The following AGBL4 variants were observed in gnomAD, a reference collection of about 807,000 sequenced individuals.
AGBL4 encodes the protein AGBL carboxypeptidase 4, also known as cytosolic carboxypeptidase 6.
AGBL4 carries 58 observed loss-of-function variants against 66.4 expected under a neutral mutation model. The observed-to-expected ratio is 0.87, with a 90% CI of 0.71 to 1.09. AGBL4 has a LOEUF of 1.09. AGBL4 is among the 50% of genes least tolerant of loss of function. The probability of loss-of-function intolerance (pLI) is 0.00; values close to 1 mark genes in which losing one functional copy is unlikely to be tolerated. For missense variants in AGBL4, 579 were observed against 631.0 expected (o/e 0.92, Z 0.88); for synonymous variants, 234 against 222.9 (o/e 1.05, Z -0.44).
At chr1:49,738,350 G>A (rs1030548090) in intron 2 of AGBL4, among the ~76,000 whole-genome samples, 6 of 152,234 alleles carry the variant, frequency 3.9e-5, no homozygotes, top group African/African-American at 1.4e-4. Flanking sequence ...CAGCAGCAAG[G>A]CTGGGGGAGG....
At chr1:49,969,247 G>A (rs896563173) in intron 1 of AGBL4, among the ~76,000 whole-genome samples, 16 of 152,198 alleles carry the variant, frequency 1.1e-4, no homozygotes, top group Middle Eastern at 3.4e-3. Flanking sequence ...TATACAACTC[G>A]ATGAGTTGGA....
At chr1:48,589,303 T>C (rs142346362) in intron 10 of AGBL4, among the ~76,000 whole-genome samples, 1 of 152,304 alleles carries the variant, frequency 6.6e-6, no homozygotes, top group Non-Finnish European at 1.5e-5. Context: ...CTTTCCTGGT[T>C]TGACATTCAA....
At chr1:49,006,096 G>A (rs1356842069) in intron 5 of AGBL4, among the ~76,000 whole-genome samples, 2 of 152,148 alleles carry the variant, frequency 1.3e-5, no homozygotes, top group Non-Finnish European at 2.9e-5. Flanking sequence ...GGTGATTTCT[G>A]CATTTCCATC....
At chr1:49,095,897 C>T (rs1645089573) in intron 4 of AGBL4, among the ~76,000 whole-genome samples, 1 of 151,988 alleles carries the variant, frequency 6.6e-6, no homozygotes, top group South Asian at 2.1e-4. Context: ...TCAGAGTGAA[C>T]AGGCAACCTA....
At chr1:49,000,999 G>A (rs763688543) in intron 5 of AGBL4, among the ~76,000 whole-genome samples, 4 of 152,210 alleles carry the variant, frequency 2.6e-5, no homozygotes, top group Middle Eastern at 3.4e-3. Context: ...TTGAGTGCCG[G>A]GCTCTTTCAA....
intron 6 of AGBL4, among the ~76,000 whole-genome samples, chr1:48,832,592 T>C (rs1178754701): frequency 6.6e-6 from 1 of 152,188 alleles, no homozygotes; most frequent in Non-Finnish European, 1.5e-5. Flanking sequence ...GGAAAGAGAC[T>C]GTGATGGTTA....
intron 6 of AGBL4, among the ~76,000 whole-genome samples, chr1:48,681,925 A>C (rs1286571284): frequency 2.6e-5 from 4 of 152,224 alleles, no homozygotes; most frequent in African/African-American, 7.2e-5. Flanking sequence ...CCTAACCTCC[A>C]TTATCTCAGA....
At chr1:49,599,200 C>G (rs1242356906) in intron 3 of AGBL4, among the ~76,000 whole-genome samples, 2 of 152,180 alleles carry the variant, frequency 1.3e-5, no homozygotes, top group Non-Finnish European at 2.9e-5. Context: ...CTTTGTAACT[C>G]TGTTAGAATT....
chr1:48,671,213 G>T (rs1167203958), intron 6 of AGBL4, among the ~76,000 whole-genome samples: 1 of 152,258 alleles, frequency 6.6e-6, no homozygotes, highest in East Asian at 1.9e-4. Context: ...AGCCAGGGTT[G>T]CTGAGAACAG....
At chr1:49,003,479 C>T (rs184793385) in intron 5 of AGBL4, among the ~76,000 whole-genome samples, 13 of 151,966 alleles carry the variant, frequency 8.6e-5, no homozygotes, top group East Asian at 1.9e-4. Flanking sequence ...GGGGAGAAGA[C>T]GAGAAAGAAG....
At position 49,111,113 on chromosome 1, in the gene AGBL4, A is replaced by AT. The variant is rs5774039; in HGVS notation, c.378-65314dup. 1.1e-3 allele frequency among the ~76,000 whole-genome samples: 119 copies of AT among 109,774 alleles called. 1 individual carries two copies. The highest frequency in any genetic ancestry group is 2.6e-3 in the African/African-American group (78 of 30,420). The allele number at this position is 109,774 out of a possible 152,430, so 72.0% of individuals were successfully genotyped here. A position where few individuals can be genotyped will look rare whatever the true frequency, so the allele number is the denominator to read the frequency against. On this transcript the variant is annotated intron_variant, in intron 4 of 13. Coordinates refer to ENST00000371839, the MANE Select transcript of AGBL4 (RefSeq NM_032785.4). ...TACATGTTTCCTTTCAATTCGTTGA[A>AT]TTTTTTTTTTTTTTTTTTGAGATGG...
At chr1:49,992,154 G>A (rs1252893397) in intron 1 of AGBL4, among the ~76,000 whole-genome samples, 4 of 151,988 alleles carry the variant, frequency 2.6e-5, no homozygotes, top group East Asian at 1.9e-4. Context: ...GGCAGATCAC[G>A]AGGTCAGGAG....
At chr1:49,404,079 A>G (rs1378451697) in intron 3 of AGBL4, among the ~76,000 whole-genome samples, 1 of 152,090 alleles carries the variant, frequency 6.6e-6, no homozygotes, top group Non-Finnish European at 1.5e-5. Context: ...GGGCTCTCAT[A>G]TGTAATTTAA....
At chr1:49,791,189 C>T (rs1439156932) in intron 2 of AGBL4, among the ~76,000 whole-genome samples, 1 of 151,418 alleles carries the variant, frequency 6.6e-6, no homozygotes, top group African/African-American at 2.4e-5. Flanking sequence ...ATTGTTAGCC[C>T]TAGAGCAACT....
intron 1 of AGBL4, among the ~76,000 whole-genome samples, chr1:50,002,525 A>G (rs919039406): frequency 2.0e-5 from 3 of 149,864 alleles, no homozygotes; most frequent in South Asian, 2.1e-4. Flanking sequence ...GCCCGCCACC[A>G]CGCCCGGCTA....
chr1:48,551,737 G>A (rs1222553403), intron 11 of AGBL4, among the ~76,000 whole-genome samples: 2 of 151,982 alleles, frequency 1.3e-5, no homozygotes, highest in African/African-American at 2.4e-5. Flanking sequence ...TAAAATTGGC[G>A]GGCAGTTGAA....
intron 11 of AGBL4, among the ~76,000 whole-genome samples, chr1:48,556,227 A>C (rs1253236145): frequency 2.6e-5 from 4 of 152,186 alleles, no homozygotes; most frequent in Admixed American, 6.5e-5. Flanking sequence ...CCATGAGGCC[A>C]ACATATTTAT....
intron 3 of AGBL4, among the ~76,000 whole-genome samples, chr1:49,318,794 A>C (rs1249986528): frequency 6.6e-6 from 1 of 152,116 alleles, no homozygotes; most frequent in East Asian, 1.9e-4. Context: ...GCTTAGTCTC[A>C]TCCTATATAT....
chr1:48,894,360 A>G (rs530956073), intron 5 of AGBL4, among the ~76,000 whole-genome samples: 2 of 152,338 alleles, frequency 1.3e-5, no homozygotes, highest in East Asian at 3.9e-4. Flanking sequence ...TTTCTCAAGT[A>G]CACACAGTTA....
Sources: allele counts gnomAD v4.1 joint callset (sites outside exome capture counted in the v4.1 genomes callset), GRCh38; gene constraint gnomAD v4.1.1; transcripts MANE v1.5; gene names NCBI Gene and HGNC (gene_info 2026-07-23, HGNC 2026-07-21).